EEF2KMT: variants seen among roughly 807,000 people sequenced by gnomAD.
EEF2KMT encodes the protein protein-lysine N-methyltransferase EEF2KMT.
In EEF2KMT, 30 loss-of-function variants were observed where a neutral mutation model predicts 35.1. That is an observed-to-expected ratio of 0.85 (90% CI 0.64 to 1.16). The LOEUF is 1.16. EEF2KMT is among the 50% of genes most tolerant of loss of function. EEF2KMT has a pLI of 0.00. For missense variants in EEF2KMT, 499 were observed against 438.2 expected (o/e 1.14, Z -1.24); for synonymous variants, 190 against 187.7 (o/e 1.01, Z -0.10).
chr16:5,090,506 T>C lies in EEF2KMT; in HGVS notation c.402A>G (p.Thr134=), dbSNP rs781378544. The part of the protein sequence containing the change: ...ESTAIISYGT[T]GLVTWDAALY... ...GGGCGGCGTCCCATGTGACCAGGCC[T>C]GTGGTACCGTAGGAGATGATGGCCG... The change falls in exon 5 of 8, where the codon ACA becomes ACG. Residue 134 remains threonine, a synonymous_variant. Transcript: ENST00000427587. The surrounding 1 kb of genome is among the most constrained non-coding windows in gnomAD (Gnocchi z 4.1). 2 of 1,611,918 alleles carry C rather than the reference T, an allele frequency of 1.2e-6. No individual in the cohort carries two copies. Among genetic ancestry groups the C allele is most frequent in the South Asian group, 1.1e-5 (1 of 90,988 alleles).
In EEF2KMT at chr16:5,085,002, C is replaced by T; in HGVS notation, c.*630G>A. The T allele has an allele frequency of 1.9e-6, 3 of 1,541,420 alleles. No individual in the cohort carries two copies. The highest frequency in any genetic ancestry group is 2.7e-6 in the Non-Finnish European group (3 of 1,131,764). On this transcript the variant is annotated 3_prime_UTR_variant, in exon 8 of 8. Coordinates refer to ENST00000427587, the MANE Select transcript of EEF2KMT (RefSeq NM_201400.4). The stretch of plus-strand genomic sequence containing the variant: ...CAGTGGCCAGAAGCTGAAATGACAG[C>T]AGTGGTACTGCCTGGTAAAAGAATT...
At chr16:5,092,908 C>T (rs1259560272) in intron 3 of EEF2KMT, among the ~76,000 whole-genome samples, 1 of 151,802 alleles carries the variant, frequency 6.6e-6, no homozygotes, top group Non-Finnish European at 1.5e-5. Flanking sequence ...TTCAGGGAGC[C>T]GAGATTGTGT....
Position 5,091,867 on chromosome 16 carries a change from T to C in EEF2KMT, c.269A>G (p.Asp90Gly), listed in dbSNP as rs1421953119. 1 of 1,611,916 alleles carries C rather than the reference T, an allele frequency of 6.2e-7. No individual in the cohort carries two copies. The highest frequency in any genetic ancestry group is 8.5e-7 in the Non-Finnish European group (1 of 1,179,776). The change falls in exon 4 of 8, where the codon GAC becomes GGC. Residue 90 changes from aspartate to glycine, a missense_variant. By Grantham distance (94) the Asp-to-Gly change is moderately conservative. Coordinates refer to ENST00000427587, the MANE Select transcript of EEF2KMT (RefSeq NM_201400.4). ...KHEAVHTEPL[D>G]ELYEALAETL... ...CTCCGCCAGCGCTTCATACAGCTCG[T>C]CCAAAGGCTCTGTGTGGACAGCCTC...
At position 5,091,909 on chromosome 16, in the gene EEF2KMT, G is replaced by C; in HGVS notation, c.241-14C>G. 6.2e-7 allele frequency: 1 copy of C among 1,611,484 alleles called. No homozygotes were observed. Among genetic ancestry groups the C allele is most frequent in the Non-Finnish European group, 8.5e-7 (1 of 1,179,550 alleles). On this transcript the variant is annotated splice_polypyrimidine_tract_variant and intron_variant, in intron 3 of 7. Coordinates refer to ENST00000427587, the MANE Select transcript of EEF2KMT (RefSeq NM_201400.4). ...GACAGCCTCGTGCTGGGGGCAGACA[G>C]AGTGAGAGCTTGTTTGCTTTCGTTC...
chr16:5,095,837 C>CTGAGGT (rs574414039), intron 1 of EEF2KMT, among the ~76,000 whole-genome samples: 1 of 55,070 alleles, frequency 1.8e-5, no homozygotes, highest in Non-Finnish European at 4.1e-5. Context: ...GGCTTGCCAT[C>CTGAGGT]TAAGTGGAGA....
intron 2 of EEF2KMT, 21 bp from the exon 3 acceptor site, chr16:5,093,585 T>G: frequency 6.2e-7 from 1 of 1,611,928 alleles, no homozygotes; most frequent in Non-Finnish European, 8.5e-7. Context: ...GGACAGAACG[T>G]TGGTTGCTCG....
chr16:5,091,007 T>G (rs1301899647), intron 4 of EEF2KMT, among the ~76,000 whole-genome samples: 1 of 152,176 alleles, frequency 6.6e-6, no homozygotes, highest in Non-Finnish European at 1.5e-5. Context: ...CTCTGCCTCC[T>G]GGGTTCAAGC....
Position 5,090,200 on chromosome 16 carries a change from T to C in EEF2KMT, c.626A>G (p.Glu209Gly). ...GNVLLNGLSL[E>G]ADITAKLDSP... ...GTCTAACTTGGCAGTGATGTCTGCC[T>C]CTAATGAGAGGCCATTGAGAAGGAC... Residue 209 changes from glutamate to glycine, a missense_variant, in exon 6 of 8, where the codon GAG becomes GGG. Physicochemically the swap from Glu to Gly is moderately conservative, Grantham distance 98. Coordinates refer to ENST00000427587, the MANE Select transcript of EEF2KMT (RefSeq NM_201400.4). The surrounding 1 kb of genome is among the most constrained non-coding windows in gnomAD (Gnocchi z 4.1). 1 of 1,611,950 alleles carries C rather than the reference T, an allele frequency of 6.2e-7. No individual in the cohort carries two copies. Among genetic ancestry groups the C allele is most frequent in the Non-Finnish European group, 8.5e-7 (1 of 1,179,854 alleles).
At chr16:5,096,407 A>G (rs1422360881) in intron 1 of EEF2KMT, among the ~76,000 whole-genome samples, 1 of 152,138 alleles carries the variant, frequency 6.6e-6, no homozygotes, top group East Asian at 1.9e-4. Flanking sequence ...GGTACTGCTG[A>G]TCCATGGTGC....
intron 2 of EEF2KMT, among the ~76,000 whole-genome samples, chr16:5,094,870 G>C (rs564468743): frequency 6.6e-6 from 1 of 152,176 alleles, no homozygotes; most frequent in Non-Finnish European, 1.5e-5. Context: ...TTCTTTCTGC[G>C]AGGGAGTCTA....
At position 5,090,090 on chromosome 16, in the gene EEF2KMT, C is replaced by T; in HGVS notation, c.736G>A (p.Ala246Thr). 1.2e-6 allele frequency: 2 copies of T among 1,605,106 alleles called. No homozygotes were observed. The highest frequency in any genetic ancestry group is 2.2e-5 in the East Asian group (1 of 44,878). The change falls in exon 6 of 8, where the codon GCA (alanine) becomes ACA (threonine). Residue 246 changes from alanine (A) to threonine (T), a missense_variant. Coordinates refer to ENST00000427587, the MANE Select transcript of EEF2KMT (RefSeq NM_201400.4). This position sits in a 1 kb window ranked among gnomAD's most constrained non-coding sequence, Gnocchi z 4.1. The stretch of plus-strand genomic sequence containing the variant: ...GCCCGGGGCTGGGCATTACCTGCTG[C>T]AATGACAACATCTGGCTGGAAGGCA... ...LSAFQPDVVI[A>T]ADVLYCPEAI...
In EEF2KMT at chr16:5,089,254, C is replaced by T. The variant is rs570051680; in HGVS notation, c.745G>A (p.Val249Met). 16 of 1,603,818 alleles carry T rather than the reference C, an allele frequency of 1.0e-5. No individual in the cohort carries two copies. The East Asian group carries it at 3.3e-4, about 33-fold the overall frequency. ...ATGATGGCTTCTGGGCAATACAGCA[C>T]ATCTATGGTGAAAGCTTCAGGTTAC... Reference protein sequence around the residue: ...FQPDVVIAADVLYCPEAIMSL... With the variant: ...FQPDVVIAADMLYCPEAIMSL... Residue 249 changes from valine to methionine, a missense_variant and splice_region_variant, in exon 7 of 8, where the codon GTG (valine) becomes ATG (methionine). By Grantham distance (21) the Val-to-Met change is conservative (BLOSUM62 1). Transcript: ENST00000427587.
At position 5,090,485 on chromosome 16, in the gene EEF2KMT, G is replaced by C. The variant is rs570574962; in HGVS notation, c.423C>G (p.Ala141=). ...TGGCCCATTCTGCAAGGTAGAGGGC[G>C]GCGTCCCATGTGACCAGGCCTGTGG... The part of the protein sequence containing the change: ...YGTTGLVTWD[A]ALYLAEWAIE... Residue 141 remains alanine, a synonymous_variant, in exon 5 of 8, where the codon GCC becomes GCG. Coordinates refer to ENST00000427587, the MANE Select transcript of EEF2KMT (RefSeq NM_201400.4). This position sits in a 1 kb window ranked among gnomAD's most constrained non-coding sequence, Gnocchi z 4.1. The C allele has an allele frequency of 1.2e-6, 2 of 1,612,010 alleles. No homozygotes were observed. The highest frequency in any genetic ancestry group is 3.3e-5 in the Admixed American group (2 of 60,012).
Position 5,097,626 on chromosome 16 carries a change from G to C in EEF2KMT, c.96+18C>G. On this transcript the variant is annotated intron_variant, in intron 1 of 7. Coordinates refer to ENST00000427587, the MANE Select transcript of EEF2KMT (RefSeq NM_201400.4). ...TCCCGCGAGCCCCGCGGGCCTCTCCGCTCGCCCCGCCGCCCACCTGCCAGG... is the reference window on the plus strand; with the variant it reads ...TCCCGCGAGCCCCGCGGGCCTCTCCCCTCGCCCCGCCGCCCACCTGCCAGG... 1.9e-6 allele frequency: 3 copies of C among 1,545,654 alleles called. No homozygotes were observed. The African/African-American group carries it at 4.1e-5, about 21-fold the overall frequency.
intron 4 of EEF2KMT, among the ~76,000 whole-genome samples, chr16:5,091,240 C>T (rs1405156422): frequency 1.3e-5 from 2 of 152,218 alleles, no homozygotes; most frequent in Admixed American, 1.3e-4. Context: ...CACTACCACA[C>T]CCCGCTAATT....
rs1053428509 is a variant in EEF2KMT at position 5,084,490 on chromosome 16, T to A, written c.*1142A>T. ...CGAGAGGAGGGTGCTCACAGGGGAA[T>A]GGGCAGCACGTAGAGGCCGGGAGGT... On this transcript the variant is annotated 3_prime_UTR_variant, in exon 8 of 8. Coordinates refer to ENST00000427587, the MANE Select transcript of EEF2KMT (RefSeq NM_201400.4). 4.8e-5 allele frequency: 29 copies of A among 609,052 alleles called. 1 individual carries two copies. The Middle Eastern group carries it at 1.8e-3, about 37-fold the overall frequency. 37.7% of individuals were successfully genotyped at this position (609,052 alleles called of 1,614,324 possible).
rs373472517 is a variant in EEF2KMT at position 5,090,573 on chromosome 16, A to G, written c.343-8T>C. ...GACCGAGCCTCCCGAGGGCTGCACC[A>G]AGAGAAGGCGAGAGAGTCAGTCCAG... On this transcript the variant is annotated splice_polypyrimidine_tract_variant and splice_region_variant and intron_variant, in intron 4 of 7. Transcript: ENST00000427587. The surrounding 1 kb of genome is among the most constrained non-coding windows in gnomAD (Gnocchi z 4.1). 339 of 1,611,912 alleles carry G rather than the reference A, an allele frequency of 2.1e-4. 1 individual carries two copies. In the African/African-American group the frequency reaches 3.6e-3, roughly 17 times the overall value.
rs1957295805 is a variant in EEF2KMT, at chr16:5,089,542, A to G, written c.743-286T>C. On this transcript the variant is annotated intron_variant, in intron 6 of 7. Coordinates refer to ENST00000427587, the MANE Select transcript of EEF2KMT (RefSeq NM_201400.4). ...TGGCCTATCTAGAGGGCTTTGAATG[A>G]CACAAAGCCTGACCCTGCCATGAAC... 7 of 519,578 alleles carry G rather than the reference A, an allele frequency of 1.3e-5. No homozygotes were observed. In the South Asian group the frequency reaches 1.5e-4, roughly 11 times the overall value. The allele number at this position is 519,578 out of a possible 1,614,324, so 32.2% of individuals were successfully genotyped here.
At chr16:5,097,413 C>T (rs1043954053) in intron 1 of EEF2KMT, 11 of 1,456,896 alleles carry the variant, frequency 7.6e-6, no homozygotes, top group Non-Finnish European at 1.0e-5. Context: ...GCGTCTGCCC[C>T]CCAAGGCTGT....
Sources: gnomAD v4.1 joint callset for allele counts (sites outside exome capture counted in the v4.1 genomes callset) on GRCh38, gnomAD v4.1.1 for gene constraint, Gnocchi (gnomAD v3.1) non-coding constraint, MANE v1.5 for transcripts, NCBI Gene and HGNC (gene_info 2026-07-23, HGNC 2026-07-21) for gene names.